RPL31: variants seen among roughly 807,000 people sequenced by gnomAD.
RPL31 encodes the protein large ribosomal subunit protein eL31.
For missense variants in RPL31, 95 were observed against 164.0 expected (o/e 0.58, Z 2.30); for synonymous variants, 51 against 55.0 (o/e 0.93, Z 0.32).
intron 4 of RPL31, among the ~76,000 whole-genome samples, chr2:101,016,663 T>G (rs1048540782): frequency 6.6e-6 from 1 of 152,094 alleles, no homozygotes; most frequent in African/African-American, 2.4e-5. Flanking sequence ...AGCAAAGACT[T>G]GGAACCAACC....
At chr2:101,002,900 C>G in intron 2 of RPL31, 92 bp downstream of exon 2, 1 of 893,062 alleles carries the variant, frequency 1.1e-6, no homozygotes, top group Non-Finnish European at 1.8e-6. Context: ...CAATCTTTTC[C>G]TCTTGTGGCC....
At chr2:101,009,930 T>C (rs891588970), downstream of RPL31, among the ~76,000 whole-genome samples, 4 of 151,460 alleles carry the variant, frequency 2.6e-5, no homozygotes, top group Non-Finnish European at 4.4e-5. Context: ...CATGCCATTC[T>C]CCTGCCTCAG....
downstream of RPL31, chr2:101,011,591 A>AACTG: frequency 6.3e-7 from 1 of 1,586,744 alleles, no homozygotes; most frequent in Non-Finnish European, 8.6e-7. Context: ...GCCTTACCAA[A>AACTG]ACTGACAGTA....
intron 4 of RPL31, among the ~76,000 whole-genome samples, chr2:101,016,880 C>G (rs1679684914): frequency 6.6e-6 from 1 of 151,188 alleles, no homozygotes; most frequent in South Asian, 2.1e-4. Flanking sequence ...ACAATGAGAC[C>G]ACATGGACAC....
At chr2:101,014,411 G>A (rs1679461824) in intron 4 of RPL31, among the ~76,000 whole-genome samples, 2 of 152,180 alleles carry the variant, frequency 1.3e-5, no homozygotes, top group Admixed American at 1.3e-4. Context: ...TCAGGACTGC[G>A]TGTTAAACTG....
intron 3 of RPL31, chr2:101,005,577 T>A (rs548077274): frequency 8.8e-5 from 18 of 205,646 alleles, no homozygotes; most frequent in Non-Finnish European, 1.5e-4. Flanking sequence ...CCCAAAGTGC[T>A]GGGGTTACAG....
In RPL31 at chr2:101,006,839, G is replaced by A. The variant is rs1203619495; in HGVS notation, c.*458G>A. ...TACATCCATATTGAGTATAGTTGTT[G>A]TCTTCTAAAATAATTAATTGATTTT... On this transcript the variant is annotated 3_prime_UTR_variant, in exon 5 of 5. Coordinates refer to ENST00000264258, the MANE Select transcript of RPL31 (RefSeq NM_000993.5). 6.5e-6 allele frequency: 1 copy of A among 153,724 alleles called. No individual in the cohort carries two copies. The highest frequency in any genetic ancestry group is 6.5e-5 in the Admixed American group (1 of 15,332). 9.5% of individuals were successfully genotyped at this position (153,724 alleles called of 1,614,324 possible).
At chr2:101,004,556 G>A in intron 3 of RPL31, 1 of 449,452 alleles carries the variant, frequency 2.2e-6, no homozygotes, top group Non-Finnish European at 3.9e-6. Context: ...CTGGGAGCGG[G>A]GTGGTGAACG....
chr2:101,008,105 CCT>C, downstream of RPL31: 1 of 1,613,872 alleles, frequency 6.2e-7, no homozygotes, highest in East Asian at 2.2e-5. Context: ...GCCCGCAGCT[CCT>C]CCCCACACTC....
At chr2:101,007,971 T>C (rs1212894175), downstream of RPL31, 1 of 1,613,910 alleles carries the variant, frequency 6.2e-7, no homozygotes, top group African/African-American at 1.3e-5. Context: ...CAGTCAGAAG[T>C]GAAGCTAAAA....
Position 101,006,306 on chromosome 2 carries a change from A to C in RPL31, c.347-44A>C, listed in dbSNP as rs1337875881. 6.3e-6 allele frequency: 10 copies of C among 1,592,370 alleles called. No individual in the cohort carries two copies. In the Admixed American group the frequency reaches 9.3e-5, roughly 15 times the overall value. ...AAAAGGTTTTTAGAGTTGAAATATG[A>C]AATGTGATGTGGGTATGGAAATTGA... On this transcript the variant is annotated intron_variant, in intron 4 of 4. Transcript: ENST00000264258.
chr2:101,007,543 C>T (rs1430977982), downstream of RPL31: 7 of 411,538 alleles, frequency 1.7e-5, no homozygotes, highest in Non-Finnish European at 3.1e-5. Context: ...AAAATCAACA[C>T]TAGCATCACA....
chr2:101,002,795 C>T lies in RPL31; in HGVS notation c.94C>T (p.Arg32Cys). 6.2e-7 allele frequency: 1 copy of T among 1,613,448 alleles called. No individual in the cohort carries two copies. Among genetic ancestry groups the T allele is most frequent in the Non-Finnish European group, 8.5e-7 (1 of 1,179,360 alleles). Reference sequence around the variant, plus strand: ...AGAATACACCATCAACATTCACAAGCGCATCCATGGAGTGTGAGTATCCCT... The same window carrying T: ...AGAATACACCATCAACATTCACAAGTGCATCCATGGAGTGTGAGTATCCCT... Reference protein sequence around the residue: ...TREYTINIHKRIHGVGFKKRA... With the variant: ...TREYTINIHKCIHGVGFKKRA... The change falls in exon 2 of 5, where the codon CGC (arginine) becomes TGC (cysteine). Residue 32 changes from arginine to cysteine, a missense_variant. Coordinates refer to ENST00000264258, the MANE Select transcript of RPL31 (RefSeq NM_000993.5).
downstream of RPL31, chr2:101,008,288 A>AGTC (rs377158619): frequency 1.3e-6 from 2 of 1,504,060 alleles, no homozygotes; most frequent in Non-Finnish European, 1.8e-6. Flanking sequence ...AATTGAAATA[A>AGTC]GTCTTAGGTA....
chr2:101,009,555 T>C (rs1679032177), downstream of RPL31, among the ~76,000 whole-genome samples: 1 of 152,090 alleles, frequency 6.6e-6, no homozygotes, highest in South Asian at 2.1e-4. Flanking sequence ...AAAAAGGTTA[T>C]GTGTATCAGA....
chr2:101,007,897 T>G, downstream of RPL31: 1 of 1,614,058 alleles, frequency 6.2e-7, no homozygotes. Context: ...CTGATTGATC[T>G]TGGCATTTTC....
chr2:101,016,113 A>C (rs1679614609), intron 4 of RPL31, among the ~76,000 whole-genome samples: 1 of 152,232 alleles, frequency 6.6e-6, no homozygotes, highest in East Asian at 1.9e-4. Context: ...CAGCAAAAGA[A>C]ACTACCATCA....
At chr2:101,011,011 T>C (rs1181714935), downstream of RPL31, 15 of 1,612,598 alleles carry the variant, frequency 9.3e-6, no homozygotes, top group Non-Finnish European at 1.2e-5. Context: ...CTGTTTCTGA[T>C]AATCAACTGC....
Position 101,012,531 on chromosome 2 carries a change from A to G in RPL31, c.346+6460A>G, listed in dbSNP as rs139959264. On this transcript the variant is annotated intron_variant, in intron 4 of 4. Coordinates refer to the RPL31 transcript ENST00000409028. The stretch of plus-strand genomic sequence containing the variant: ...GCCTACGGCTGGGGAAAATGGATAC[A>G]CTGGTAGTGAGAGCTAAAGATATGA... Among the ~76,000 whole-genome samples the G allele has an allele frequency of 1.4e-3, 211 of 152,254 alleles. 1 individual carries two copies. Among genetic ancestry groups the G allele is most frequent in the Middle Eastern group, 3.4e-3 (1 of 294 alleles).
Sources: allele counts gnomAD v4.1 joint callset (sites outside exome capture counted in the v4.1 genomes callset), GRCh38; gene constraint gnomAD v4.1.1; transcripts MANE v1.5; gene names NCBI Gene and HGNC (gene_info 2026-07-23, HGNC 2026-07-21).